RPS6KC1: variants seen among roughly 807,000 people sequenced by gnomAD.
The protein encoded by RPS6KC1 is ribosomal protein S6 kinase C1, also known as inactive ribosomal protein S6 kinase delta-1.
RPS6KC1 carries 54 observed loss-of-function variants against 103.8 expected under a neutral mutation model. The ratio of observed to expected loss-of-function variants is 0.52; its 90% CI spans 0.42 to 0.65. The LOEUF is 0.65. Among genes scored for constraint, RPS6KC1 ranks in the 30% least tolerant of loss-of-function variants. The pLI is 0.00. For synonymous variants in RPS6KC1, 439 were observed against 438.7 expected (o/e 1.00, Z -0.01); for missense variants, 1,151 against 1,253.8 (o/e 0.92, Z 1.24).
chr1:213,342,716 A>G, the RPS6KC1 span, among the ~76,000 whole-genome samples: 2 of 152,212 alleles, frequency 1.3e-5, no homozygotes, highest in Admixed American at 1.3e-4. Context: ...ACACGATCCC[A>G]TTATTCATAA....
At chr1:213,292,270 ATT>A in the RPS6KC1 span, among the ~76,000 whole-genome samples, 1 of 151,766 alleles carries the variant, frequency 6.6e-6, no homozygotes, top group African/African-American at 2.4e-5. Flanking sequence ...ATTAAATTAA[ATT>A]AAAAAACAAA....
the RPS6KC1 span, among the ~76,000 whole-genome samples, chr1:213,335,294 T>A: frequency 6.6e-6 from 1 of 152,168 alleles, no homozygotes; most frequent in Non-Finnish European, 1.5e-5. Flanking sequence ...GTTGTATTAG[T>A]TAGGATTAGC....
At chr1:213,626,533 T>A in the RPS6KC1 span, among the ~76,000 whole-genome samples, 11 of 152,212 alleles carry the variant, frequency 7.2e-5, no homozygotes, top group African/African-American at 2.7e-4. Context: ...TTGCCTAGGT[T>A]TTCTTCTAGG....
chr1:213,356,319 A>G, the RPS6KC1 span, among the ~76,000 whole-genome samples: 1 of 152,228 alleles, frequency 6.6e-6, no homozygotes, highest in Non-Finnish European at 1.5e-5. Context: ...AGGATTGAAA[A>G]GCGTTTTCAA....
the RPS6KC1 span, among the ~76,000 whole-genome samples, chr1:213,775,542 G>A: frequency 6.6e-6 from 1 of 152,106 alleles, no homozygotes; most frequent in Admixed American, 6.5e-5. Context: ...AAATAAAAAT[G>A]TAATACCTTA....
At chr1:213,581,818 T>C in the RPS6KC1 span, among the ~76,000 whole-genome samples, 1 of 152,106 alleles carries the variant, frequency 6.6e-6, no homozygotes, top group Non-Finnish European at 1.5e-5. Flanking sequence ...TTATGCTTTT[T>C]CAGGCTTCTG....
chr1:213,714,883 G>T, the RPS6KC1 span, among the ~76,000 whole-genome samples: 1 of 152,178 alleles, frequency 6.6e-6, no homozygotes, highest in African/African-American at 2.4e-5. Flanking sequence ...CACAATTAGG[G>T]CTAACTGCAG....
chr1:213,638,561 G>GTT, the RPS6KC1 span, among the ~76,000 whole-genome samples: 501 of 151,354 alleles, frequency 3.3e-3, 3 homozygotes, highest in African/African-American at 0.012. Flanking sequence ...TTTGTTTTGG[G>GTT]TTTTTTTTGC....
chr1:213,440,127 G>A, the RPS6KC1 span, among the ~76,000 whole-genome samples: 1 of 152,032 alleles, frequency 6.6e-6, no homozygotes, highest in Non-Finnish European at 1.5e-5. Flanking sequence ...GCACAGCAAG[G>A]GGGTGTGAAA....
the RPS6KC1 span, among the ~76,000 whole-genome samples, chr1:213,309,786 G>A: frequency 1.3e-5 from 2 of 152,032 alleles, no homozygotes; most frequent in Non-Finnish European, 2.9e-5. Context: ...CCGGGTTCAA[G>A]CGATTCTCCC....
chr1:213,259,994 C>T (rs1383942063), intron 12 of RPS6KC1, among the ~76,000 whole-genome samples: 1 of 152,132 alleles, frequency 6.6e-6, no homozygotes, highest in East Asian at 1.9e-4. Context: ...CTGCCTCAGC[C>T]TCCCAAAGTG....
rs1211004144 is a variant in RPS6KC1 at position 213,151,375 on chromosome 1, G to A, written c.836-16483G>A. 1.5e-4 allele frequency among the ~76,000 whole-genome samples: 21 copies of A among 137,058 alleles called. 1 individual carries two copies. Among genetic ancestry groups the A allele is most frequent in the African/African-American group, 5.9e-4 (21 of 35,390 alleles). 89.9% of individuals were successfully genotyped at this position (137,058 alleles called of 152,430 possible). A position where few individuals can be genotyped will look rare whatever the true frequency, so the allele number is the denominator to read the frequency against. ...CCCCCCCACCTCCCTCCCGGACGGGGCGGCTGGCCGGGCAGAGGGGCTCCT... is the reference window on the plus strand; with the variant it reads ...CCCCCCCACCTCCCTCCCGGACGGGACGGCTGGCCGGGCAGAGGGGCTCCT... On this transcript the variant is annotated intron_variant, in intron 6 of 14. Transcript: ENST00000366960.
At chr1:213,305,635 A>G in the RPS6KC1 span, among the ~76,000 whole-genome samples, 1 of 152,110 alleles carries the variant, frequency 6.6e-6, no homozygotes, top group Non-Finnish European at 1.5e-5. Context: ...AGAGTAGAGG[A>G]GTGGAGAAGA....
At chr1:213,716,120 C>T in the RPS6KC1 span, among the ~76,000 whole-genome samples, 1 of 152,026 alleles carries the variant, frequency 6.6e-6, no homozygotes, top group African/African-American at 2.4e-5. Context: ...TCAAAGAATC[C>T]AAGAAATTCT....
At chr1:213,639,023 C>A in the RPS6KC1 span, among the ~76,000 whole-genome samples, 2 of 152,012 alleles carry the variant, frequency 1.3e-5, no homozygotes, top group African/African-American at 4.8e-5. Context: ...TCTTTGATTT[C>A]TTTCATCAGC....
the RPS6KC1 span, among the ~76,000 whole-genome samples, chr1:213,289,087 C>A: frequency 6.6e-6 from 1 of 152,076 alleles, no homozygotes; most frequent in African/African-American, 2.4e-5. Flanking sequence ...CCAGCCACAA[C>A]CACAGGGCCA....
the RPS6KC1 span, among the ~76,000 whole-genome samples, chr1:213,640,779 T>C: frequency 6.6e-6 from 1 of 151,986 alleles, no homozygotes; most frequent in African/African-American, 2.4e-5. Flanking sequence ...CTTTTAAACA[T>C]GTTAATGTTT....
intron 10 of RPS6KC1, among the ~76,000 whole-genome samples, chr1:213,238,207 T>C (rs895735088): frequency 2.0e-5 from 3 of 152,162 alleles, no homozygotes; most frequent in Non-Finnish European, 4.4e-5. Context: ...AGAATGTATA[T>C]ATGATGTCCA....
chr1:213,862,346 A>G, the RPS6KC1 span, among the ~76,000 whole-genome samples: 1 of 152,134 alleles, frequency 6.6e-6, no homozygotes, highest in Non-Finnish European at 1.5e-5. Context: ...CTCTCTGCCG[A>G]TGGTCCGGAG....
Sources: allele counts gnomAD v4.1 joint callset (sites outside exome capture counted in the v4.1 genomes callset), GRCh38; gene constraint gnomAD v4.1.1; transcripts MANE v1.5; gene names NCBI Gene and HGNC (gene_info 2026-07-23, HGNC 2026-07-21).